ACOXL: variants seen among roughly 807,000 people sequenced by gnomAD.
ACOXL encodes acyl-coenzyme A oxidase-like protein.
A neutral mutation model predicts 71.9 loss-of-function variants in ACOXL; 70 were observed. The observed-to-expected ratio is 0.97, with a 90% CI of 0.80 to 1.19. The LOEUF (loss-of-function observed/expected upper bound fraction) is 1.19. Among genes scored for constraint, ACOXL ranks in the 50% most tolerant of loss-of-function variants. The pLI is 0.00. For synonymous variants in ACOXL, 253 were observed against 281.6 expected, an observed-to-expected ratio of 0.90 and a Z score of 1.02; for missense variants, 703 against 736.3, an observed-to-expected ratio of 0.95 and a Z score of 0.52.
chr2:110,978,946 T>C (rs947383442), intron 12 of ACOXL, among the ~76,000 whole-genome samples: 1 of 152,130 alleles, frequency 6.6e-6, no homozygotes, highest in Admixed American at 6.5e-5. Flanking sequence ...CTGGACGGTT[T>C]GTTGTTGTCA....
chr2:110,814,488 T>C (rs1248257532), intron 9 of ACOXL, among the ~76,000 whole-genome samples: 1 of 152,144 alleles, frequency 6.6e-6, no homozygotes, highest in Non-Finnish European at 1.5e-5. Flanking sequence ...ATAATGAAAT[T>C]TAGTAAGCCA....
At position 110,953,570 on chromosome 2, in the gene ACOXL, T is replaced by G. The variant is rs4528808; in HGVS notation, c.1059+19928T>G. Among the ~76,000 whole-genome samples the G allele has an allele frequency of 4.2e-3, 641 of 152,300 alleles. 20 individuals carry two copies. The highest frequency in any genetic ancestry group is 0.034 in the Admixed American group (514 of 15,288). On this transcript the variant is annotated intron_variant, in intron 12 of 17. Transcript: ENST00000439055. Reference sequence around the variant, plus strand: ...ATTCTTACTGAGGTTTTGGCCTGTCTGATCTATCAATTATTGAGAGATGTG... The same window carrying G: ...ATTCTTACTGAGGTTTTGGCCTGTCGGATCTATCAATTATTGAGAGATGTG...
chr2:110,946,365 G>A (rs1487482238), intron 12 of ACOXL, among the ~76,000 whole-genome samples: 1 of 152,124 alleles, frequency 6.6e-6, no homozygotes, highest in African/African-American at 2.4e-5. Context: ...CTATTTGGAT[G>A]CCTTTTATTT....
At chr2:110,980,329 C>T (rs2062647493) in intron 12 of ACOXL, among the ~76,000 whole-genome samples, 1 of 152,240 alleles carries the variant, frequency 6.6e-6, no homozygotes. Flanking sequence ...AGGGCTCACG[C>T]CCCTACTGTG....
chr2:110,745,643 T>A (rs1411519346), intron 1 of ACOXL, among the ~76,000 whole-genome samples: 1 of 152,262 alleles, frequency 6.6e-6, no homozygotes, highest in Non-Finnish European at 1.5e-5. Flanking sequence ...ACCTTCCTTT[T>A]CTGTGACTTT....
At chr2:110,959,987 A>G (rs1225944603) in intron 12 of ACOXL, among the ~76,000 whole-genome samples, 2 of 152,200 alleles carry the variant, frequency 1.3e-5, no homozygotes, top group Non-Finnish European at 2.9e-5. Context: ...AGGGAGGAGC[A>G]TAAGGCTGCT....
intron 10 of ACOXL, among the ~76,000 whole-genome samples, chr2:110,880,603 G>C (rs1296137167): frequency 1.3e-5 from 2 of 152,222 alleles, no homozygotes; most frequent in Non-Finnish European, 2.9e-5. Flanking sequence ...CTTGGAGCTA[G>C]AGTTGTTACA....
intron 1 of ACOXL, among the ~76,000 whole-genome samples, chr2:110,752,523 GGAGA>G (rs948666285): frequency 1.3e-5 from 2 of 150,692 alleles, no homozygotes; most frequent in Non-Finnish European, 2.9e-5. Context: ...TAGCACTTTC[GGAGA>G]GAGAAAGTAG....
At chr2:110,816,925 G>A (rs11890440) in intron 9 of ACOXL, among the ~76,000 whole-genome samples, 1,831 of 152,256 alleles carry the variant, frequency 0.012, 17 homozygotes, top group African/African-American at 0.039. Context: ...TTGCTCACCC[G>A]TTGCCTGGGC....
intron 12 of ACOXL, among the ~76,000 whole-genome samples, chr2:110,934,530 T>G (rs1214364418): frequency 1.3e-5 from 2 of 152,272 alleles, no homozygotes; most frequent in African/African-American, 4.8e-5. Flanking sequence ...AGTTTTAGCT[T>G]CAGAAGAGAA....
intron 10 of ACOXL, among the ~76,000 whole-genome samples, chr2:110,898,481 A>G (rs987434402): frequency 5.3e-5 from 8 of 152,222 alleles, no homozygotes; most frequent in African/African-American, 1.7e-4. Context: ...CATGCTAAAG[A>G]AGAAAAATCT....
At chr2:111,075,551 A>G (rs867810929) in intron 16 of ACOXL, among the ~76,000 whole-genome samples, 1 of 151,742 alleles carries the variant, frequency 6.6e-6, no homozygotes, top group Non-Finnish European at 1.5e-5. Flanking sequence ...ATTTTTCTCT[A>G]TCATATTTCT....
At chr2:111,093,778 C>T (rs2068662857) in intron 17 of ACOXL, 5 of 386,288 alleles carry the variant, frequency 1.3e-5, no homozygotes, top group East Asian at 9.0e-5. Context: ...GCACGAGAAT[C>T]GCTTGAGCCC....
At chr2:111,034,599 T>A (rs932437463) in intron 15 of ACOXL, among the ~76,000 whole-genome samples, 4 of 152,150 alleles carry the variant, frequency 2.6e-5, no homozygotes, top group African/African-American at 7.2e-5. Context: ...GGAAGAAAAA[T>A]CATAAGAATT....
intron 12 of ACOXL, among the ~76,000 whole-genome samples, chr2:110,983,760 A>G (rs1045318670): frequency 2.0e-5 from 3 of 152,268 alleles, no homozygotes; most frequent in African/African-American, 4.8e-5. Context: ...ATTTTAAGTA[A>G]TGAAATATCT....
At chr2:110,832,000 G>A (rs2105645121) in intron 9 of ACOXL, among the ~76,000 whole-genome samples, 1 of 152,180 alleles carries the variant, frequency 6.6e-6, no homozygotes, top group Non-Finnish European at 1.5e-5. Context: ...ACCAGCCTGA[G>A]CAACATAGTG....
intron 10 of ACOXL, among the ~76,000 whole-genome samples, chr2:110,863,433 A>G (rs1694188455): frequency 6.6e-6 from 1 of 152,186 alleles, no homozygotes; most frequent in Admixed American, 6.5e-5. Flanking sequence ...ATTAGCAGTG[A>G]TTGTTTTTTG....
chr2:111,103,469 C>T (rs76971288), intron 17 of ACOXL, among the ~76,000 whole-genome samples: 5,870 of 152,208 alleles, frequency 0.039, 166 homozygotes, highest in Non-Finnish European at 0.057. Flanking sequence ...ATTCACATCA[C>T]AGATTGTGGC....
At chr2:111,080,443 A>T (rs1483534487) in intron 16 of ACOXL, among the ~76,000 whole-genome samples, 1 of 152,142 alleles carries the variant, frequency 6.6e-6, no homozygotes, top group Admixed American at 6.5e-5. Flanking sequence ...GGTTTCAAGA[A>T]CTTATTTATT....
Sources: allele counts gnomAD v4.1 joint callset (sites outside exome capture counted in the v4.1 genomes callset), GRCh38; gene constraint gnomAD v4.1.1; transcripts MANE v1.5; gene names NCBI Gene and HGNC (gene_info 2026-07-23, HGNC 2026-07-21).